XRN2: variants seen among roughly 807,000 people sequenced by gnomAD.
The protein encoded by XRN2 is 5'-3' exoribonuclease 2, also known as DHM1-like protein.
Under a neutral mutation model 138.5 loss-of-function variants are expected in XRN2, and 44 were observed. The ratio of observed to expected loss-of-function variants is 0.32; its 90% CI spans 0.25 to 0.41. The LOEUF (loss-of-function observed/expected upper bound fraction) is 0.41, where lower values mean the gene tolerates loss of function less well. Among genes scored for constraint, XRN2 ranks in the 10% least tolerant of loss-of-function variants. The probability of loss-of-function intolerance (pLI) is 1.00; values close to 1 mark genes in which losing one functional copy is unlikely to be tolerated. For synonymous variants in XRN2, 354 were observed against 369.4 expected, an observed-to-expected ratio of 0.96 and a Z score of 0.48; for missense variants, 937 against 1,169.3, an observed-to-expected ratio of 0.80 and a Z score of 2.90.
Position 21,349,382 on chromosome 20 carries a change from A to C in XRN2, c.1864-7A>C. 6.5e-7 allele frequency: 1 copy of C among 1,550,014 alleles called. No homozygotes were observed. Among genetic ancestry groups the C allele is most frequent in the Non-Finnish European group, 8.9e-7 (1 of 1,124,146 alleles). ...GTTTTGATTCTTTACTTTTCTCCCT[A>C]ATATAGGATTCTAGTATAATTGACT... On this transcript the variant is annotated splice_region_variant and splice_polypyrimidine_tract_variant and intron_variant, in intron 19 of 29. Transcript: ENST00000377191.
chr20:21,348,451 T>C (rs1479398402), intron 19 of XRN2, 21 bp downstream of exon 19: 1 of 1,599,116 alleles, frequency 6.3e-7, no homozygotes, highest in South Asian at 1.1e-5. Context: ...GTATTTTGAG[T>C]GTGTGGGTGA....
At chr20:21,330,955 T>C (rs2122211678) in intron 6 of XRN2, among the ~76,000 whole-genome samples, 1 of 152,292 alleles carries the variant, frequency 6.6e-6, no homozygotes, top group African/African-American at 2.4e-5. Flanking sequence ...ATGGGATTCA[T>C]AATTTAAAAA....
chr20:21,336,224 C>T (rs1039177977), intron 13 of XRN2, among the ~76,000 whole-genome samples: 1 of 152,186 alleles, frequency 6.6e-6, no homozygotes, highest in Non-Finnish European at 1.5e-5. Flanking sequence ...CTTTGGGAGG[C>T]TAAGGTGGGC....
chr20:21,369,357 A>G (rs1390360517), intron 27 of XRN2, among the ~76,000 whole-genome samples: 1 of 152,198 alleles, frequency 6.6e-6, no homozygotes, highest in Non-Finnish European at 1.5e-5. Context: ...GCTACTGTGA[A>G]TAGTGCTGCA....
chr20:21,335,040 A>G (rs928758663), intron 13 of XRN2, among the ~76,000 whole-genome samples: 1 of 152,210 alleles, frequency 6.6e-6, no homozygotes, highest in Non-Finnish European at 1.5e-5. Flanking sequence ...ATAGAAGCCT[A>G]GGGAACCACG....
chr20:21,313,820 G>T (rs1008964491), intron 1 of XRN2, among the ~76,000 whole-genome samples: 5 of 152,156 alleles, frequency 3.3e-5, no homozygotes, highest in Non-Finnish European at 7.3e-5. Flanking sequence ...TGAGGGAAGG[G>T]AGAAAAATCA....
chr20:21,320,630 T>C (rs981897013), intron 1 of XRN2, among the ~76,000 whole-genome samples: 1 of 150,080 alleles, frequency 6.7e-6, no homozygotes, highest in African/African-American at 2.5e-5. Flanking sequence ...GGAGTCTTGC[T>C]GTCACCCAGG....
intron 14 of XRN2, among the ~76,000 whole-genome samples, chr20:21,339,773 CAT>C (rs2038347716): frequency 6.6e-6 from 1 of 152,126 alleles, no homozygotes; most frequent in African/African-American, 2.4e-5. Context: ...ATGTCTGATA[CAT>C]GTTTTCTTAC....
intron 27 of XRN2, among the ~76,000 whole-genome samples, chr20:21,371,986 G>A (rs1386480223): frequency 6.6e-6 from 1 of 152,152 alleles, no homozygotes; most frequent in Admixed American, 6.5e-5. Context: ...TGCCATTGTT[G>A]TGGCTGTTAT....
chr20:21,338,161 A>G (rs978580148), intron 13 of XRN2, among the ~76,000 whole-genome samples: 4 of 152,098 alleles, frequency 2.6e-5, no homozygotes, highest in Non-Finnish European at 5.9e-5. Context: ...AAGTGTACCT[A>G]CTAGGATGAC....
chr20:21,329,503 C>T (rs946875067), intron 4 of XRN2, among the ~76,000 whole-genome samples: 2 of 152,150 alleles, frequency 1.3e-5, no homozygotes, highest in Admixed American at 6.5e-5. Flanking sequence ...ATAGTATAGC[C>T]AGCTCAGGCC....
intron 9 of XRN2, among the ~76,000 whole-genome samples, chr20:21,333,277 T>C (rs1486535371): frequency 6.6e-6 from 1 of 152,190 alleles, no homozygotes; most frequent in Non-Finnish European, 1.5e-5. Context: ...CATGAAAGAC[T>C]ATTAAACAGA....
At chr20:21,355,025 GCTT>G (rs1011760657) in intron 21 of XRN2, among the ~76,000 whole-genome samples, 153 bp downstream of exon 21, 1 of 152,112 alleles carries the variant, frequency 6.6e-6, no homozygotes, top group Non-Finnish European at 1.5e-5. Context: ...CGTTGACTTT[GCTT>G]CTTAATTCAT....
intron 1 of XRN2, among the ~76,000 whole-genome samples, chr20:21,308,668 A>G (rs1302027964): frequency 1.3e-5 from 2 of 152,092 alleles, no homozygotes; most frequent in Non-Finnish European, 2.9e-5. Flanking sequence ...GCTCATTTTT[A>G]TCTTCGGTTG....
At chr20:21,341,357 G>A (rs1030799114) in intron 15 of XRN2, among the ~76,000 whole-genome samples, 1 of 152,166 alleles carries the variant, frequency 6.6e-6, no homozygotes, top group African/African-American at 2.4e-5. Context: ...TGTAAACTCT[G>A]GCTCTCCAAT....
At chr20:21,323,911 T>A (rs1033729374) in intron 1 of XRN2, among the ~76,000 whole-genome samples, 2 of 152,210 alleles carry the variant, frequency 1.3e-5, no homozygotes, top group Non-Finnish European at 2.9e-5. Flanking sequence ...ATATTAGTTG[T>A]TGCAGCTGAG....
At position 21,303,711 on chromosome 20, in the gene XRN2, C is replaced by T. The variant is rs773874400; in HGVS notation, c.75+238C>T. ...GCAAGGGCCTATAGGGTTCCGAACTCGCAGGAGGGTCGCTCCTCCCCTACT... is the reference window on the plus strand; with the variant it reads ...GCAAGGGCCTATAGGGTTCCGAACTTGCAGGAGGGTCGCTCCTCCCCTACT... On this transcript the variant is annotated intron_variant, in intron 1 of 29. Transcript: ENST00000377191. The T allele has an allele frequency of 5.6e-6, 7 of 1,251,856 alleles. No individual in the cohort carries two copies. In the East Asian group the frequency reaches 2.5e-4, roughly 44 times the overall value. The allele number at this position is 1,251,856 out of a possible 1,614,324, so 77.5% of individuals were successfully genotyped here.
chr20:21,369,102 C>G (rs1318972282), intron 27 of XRN2, among the ~76,000 whole-genome samples: 1 of 152,114 alleles, frequency 6.6e-6, no homozygotes, highest in Non-Finnish European at 1.5e-5. Flanking sequence ...TCCTTCTACT[C>G]TCTGTCTCCA....
intron 20 of XRN2, among the ~76,000 whole-genome samples, chr20:21,353,227 T>G (rs1461342502): frequency 3.4e-4 from 3 of 8,922 alleles, no homozygotes; most frequent in African/African-American, 6.4e-4. Context: ...GGGTAGGATA[T>G]ATATATATAT....
Sources: gnomAD v4.1 joint callset for allele counts (sites outside exome capture counted in the v4.1 genomes callset) on GRCh38, gnomAD v4.1.1 for gene constraint, MANE v1.5 for transcripts, NCBI Gene and HGNC (gene_info 2026-07-23, HGNC 2026-07-21) for gene names.